Variants in TOM1 observed in about 807,000 individuals in gnomAD.
TOM1 encodes the protein target of myb1 membrane trafficking protein, also known as target of Myb protein 1.
Under a neutral mutation model 61.3 loss-of-function variants are expected in TOM1, and 38 were observed. That is an observed-to-expected ratio of 0.62 (90% CI 0.48 to 0.81). The LOEUF is 0.81. TOM1 is among the 40% of genes least tolerant of loss of function. The pLI, the probability that TOM1 is intolerant of heterozygous loss-of-function variation, is 0.00. For synonymous variants in TOM1, 270 were observed against 268.8 expected, an observed-to-expected ratio of 1.00 and a Z score of -0.04; for missense variants, 591 against 659.6, an observed-to-expected ratio of 0.90 and a Z score of 1.14.
intron 1 of TOM1, among the ~76,000 whole-genome samples, chr22:35,305,418 T>C (rs892848852): frequency 2.6e-5 from 4 of 152,134 alleles, no homozygotes; most frequent in African/African-American, 7.2e-5. Flanking sequence ...TCCCAGCACG[T>C]TGGGAGGCCG....
upstream of TOM1, chr22:35,299,447 G>C (rs1469196419): frequency 6.4e-6 from 1 of 155,424 alleles, no homozygotes; most frequent in Admixed American, 6.5e-5. Flanking sequence ...AACAGGAAGA[G>C]TCTTACCGGG....
At chr22:35,321,869 C>A (rs1927821821) in intron 2 of TOM1, 90 bp from the exon 3 acceptor site, 4 of 1,082,486 alleles carry the variant, frequency 3.7e-6, no homozygotes, top group African/African-American at 1.5e-5. Context: ...GGAGGATGGG[C>A]CAATAAGAAC....
At chr22:35,345,875 G>T in intron 13 of TOM1, 91 bp downstream of exon 13, 2 of 1,317,896 alleles carry the variant, frequency 1.5e-6, no homozygotes, top group Non-Finnish European at 2.2e-6. Context: ...GACTTATATA[G>T]CATATAGCAC....
chr22:35,342,807 ACT>A (rs1251470836), intron 12 of TOM1, among the ~76,000 whole-genome samples: 1 of 137,410 alleles, frequency 7.3e-6, no homozygotes, highest in African/African-American at 2.8e-5. Flanking sequence ...ACACACCTAC[ACT>A]CATACACCTA....
intron 12 of TOM1, among the ~76,000 whole-genome samples, chr22:35,342,751 A>C (rs1282500987): frequency 1.4e-5 from 2 of 147,586 alleles, no homozygotes; most frequent in African/African-American, 5.0e-5. Flanking sequence ...CCATAGACCT[A>C]CACACACACC....
At chr22:35,311,480 A>G (rs1431495539) in intron 1 of TOM1, among the ~76,000 whole-genome samples, 1 of 152,218 alleles carries the variant, frequency 6.6e-6, no homozygotes, top group Non-Finnish European at 1.5e-5. Flanking sequence ...GTGGCTAATC[A>G]GTGAAATACA....
intron 1 of TOM1, among the ~76,000 whole-genome samples, chr22:35,305,820 T>C (rs1926281336): frequency 6.6e-6 from 1 of 152,134 alleles, no homozygotes; most frequent in East Asian, 1.9e-4. Flanking sequence ...CCTTGTTCAG[T>C]AGTGAGCTCC....
intron 8 of TOM1, 74 bp downstream of exon 8, chr22:35,330,554 G>A: frequency 7.0e-7 from 1 of 1,432,276 alleles, no homozygotes. Flanking sequence ...CTGTTCTCCT[G>A]GTCTCATGCC....
chr22:35,307,779 A>G (rs1170903263), intron 1 of TOM1, among the ~76,000 whole-genome samples: 1 of 152,168 alleles, frequency 6.6e-6, no homozygotes, highest in African/African-American at 2.4e-5. Context: ...TGAGACAGAC[A>G]GAGAATTTAG....
At chr22:35,334,012 T>C (rs1601703686) in intron 10 of TOM1, among the ~76,000 whole-genome samples, 1 of 152,286 alleles carries the variant, frequency 6.6e-6, no homozygotes, top group Non-Finnish European at 1.5e-5. Context: ...TGCTATACTT[T>C]TTGAAAAAAT....
chr22:35,324,412 C>CAAAAAAAA (rs58401864), intron 6 of TOM1, among the ~76,000 whole-genome samples: 1 of 61,182 alleles, frequency 1.6e-5, no homozygotes, highest in African/African-American at 5.0e-5. Context: ...AGACCTGTTT[C>CAAAAAAAA]AAAAAAAAAA....
rs557767717 is a variant in TOM1 at position 35,304,332 on chromosome 22, G to A, written c.52+4352G>A. Among the ~76,000 whole-genome samples, 134 of 152,238 alleles carry A rather than the reference G, an allele frequency of 8.8e-4. 1 individual carries two copies. Among genetic ancestry groups the A allele is most frequent in the African/African-American group, 3.0e-3 (125 of 41,544 alleles). ...GGCCCCTCCCCTCATCGATGAGTAG[G>A]GGAGCTTCCCAAGGGCAGCACCCGT... On this transcript the variant is annotated intron_variant, in intron 1 of 14. Transcript: ENST00000449058.
chr22:35,304,494 T>C (rs1314466145), intron 1 of TOM1, among the ~76,000 whole-genome samples: 1 of 152,224 alleles, frequency 6.6e-6, no homozygotes, highest in African/African-American at 2.4e-5. Flanking sequence ...TTTTGTTTTT[T>C]ATGAGACAGA....
chr22:35,318,657 G>T (rs567793262), intron 2 of TOM1, among the ~76,000 whole-genome samples: 95 of 152,366 alleles, frequency 6.2e-4, no homozygotes, highest in African/African-American at 2.2e-3. Flanking sequence ...AAGGTGCTCT[G>T]TTAGATCCTT....
intron 1 of TOM1, among the ~76,000 whole-genome samples, chr22:35,315,895 A>G (rs542704632): frequency 7.4e-4 from 113 of 152,272 alleles, no homozygotes; most frequent in African/African-American, 2.6e-3. Context: ...CGAGTCCACC[A>G]TGGTATCCCA....
At chr22:35,331,241 A>G (rs890509591) in intron 8 of TOM1, 55 of 431,812 alleles carry the variant, frequency 1.3e-4, no homozygotes, top group Middle Eastern at 7.2e-4. Context: ...GACTACAGGC[A>G]TGCACCACCA....
intron 8 of TOM1, chr22:35,331,361 C>A (rs1928831802): frequency 4.4e-6 from 2 of 454,748 alleles, no homozygotes; most frequent in Admixed American, 2.4e-5. Context: ...GTCCTCCCTC[C>A]TTGGCCTCCG....
chr22:35,313,167 TGAA>T (rs776726298), intron 1 of TOM1, among the ~76,000 whole-genome samples: 17 of 151,944 alleles, frequency 1.1e-4, no homozygotes, highest in Non-Finnish European at 2.2e-4. Context: ...ACCAACATGG[TGAA>T]GCCCCATCTC....
intron 1 of TOM1, among the ~76,000 whole-genome samples, chr22:35,302,311 T>TC (rs1491229671): frequency 7.1e-6 from 1 of 141,478 alleles, no homozygotes; most frequent in African/African-American, 2.7e-5. Context: ...TCTTTTTTTT[T>TC]CTTTTTCTTT....
Sources: allele counts gnomAD v4.1 joint callset (sites outside exome capture counted in the v4.1 genomes callset), GRCh38; gene constraint gnomAD v4.1.1; transcripts MANE v1.5; gene names NCBI Gene and HGNC (gene_info 2026-07-23, HGNC 2026-07-21).